The following CLHC1 variants were observed in gnomAD, a reference collection of about 807,000 sequenced individuals.
CLHC1 encodes the protein clathrin heavy chain linker domain-containing protein 1.
In CLHC1, 72 loss-of-function variants were observed where a neutral mutation model predicts 69.5. The observed-to-expected ratio is 1.04, with a 90% CI of 0.86 to 1.26. CLHC1 has a LOEUF of 1.26. Ranked by LOEUF, CLHC1 falls within the 50% of genes most tolerant of loss-of-function variation. The pLI, the probability that CLHC1 is intolerant of heterozygous loss-of-function variation, is 0.00. For synonymous variants in CLHC1, 223 were observed against 224.3 expected, an observed-to-expected ratio of 0.99 and a Z score of 0.05; for missense variants, 790 against 679.3, an observed-to-expected ratio of 1.16 and a Z score of -1.81.
intron 2 of CLHC1, chr2:55,224,660 G>T: frequency 4.3e-6 from 1 of 229,980 alleles, no homozygotes; most frequent in Non-Finnish European, 9.1e-6. Flanking sequence ...GCGCATGGAG[G>T]AGCTGGCGGT....
At chr2:55,195,433 A>C (rs1481248178) in intron 9 of CLHC1, among the ~76,000 whole-genome samples, 1 of 152,240 alleles carries the variant, frequency 6.6e-6, no homozygotes, top group Admixed American at 6.5e-5. Context: ...TATTGTTAAA[A>C]TATCCAGGAA....
At chr2:55,212,977 G>A (rs1352249012) in intron 4 of CLHC1, among the ~76,000 whole-genome samples, 171 bp from the exon 5 acceptor site, 1 of 152,102 alleles carries the variant, frequency 6.6e-6, no homozygotes, top group Non-Finnish European at 1.5e-5. Context: ...TTCTTTCTGA[G>A]CATCAATAAA....
At chr2:55,177,859 T>C in intron 11 of CLHC1, 78 bp from the exon 12 acceptor site, 1 of 1,014,060 alleles carries the variant, frequency 9.9e-7, no homozygotes, top group Non-Finnish European at 1.4e-6. Flanking sequence ...AGCTAATGTC[T>C]ATACCTGCCA....
intron 9 of CLHC1, among the ~76,000 whole-genome samples, chr2:55,187,770 C>T (rs1335383925): frequency 3.3e-5 from 5 of 151,982 alleles, no homozygotes. Flanking sequence ...AGGACTTTTA[C>T]ATAATACATA....
chr2:55,213,871 G>A (rs980260680), intron 4 of CLHC1, among the ~76,000 whole-genome samples: 3 of 152,194 alleles, frequency 2.0e-5, no homozygotes, highest in African/African-American at 4.8e-5. Flanking sequence ...GTGGGAAGTG[G>A]TAGCTAAGGA....
chr2:55,230,621 T>A (rs1306350848), intron 1 of CLHC1, among the ~76,000 whole-genome samples: 1 of 152,128 alleles, frequency 6.6e-6, no homozygotes, highest in African/African-American at 2.4e-5. Context: ...TTAGAGGTCT[T>A]GCAGATCAAG....
At chr2:55,196,681 C>T (rs190148456) in intron 9 of CLHC1, among the ~76,000 whole-genome samples, 7 of 152,326 alleles carry the variant, frequency 4.6e-5, no homozygotes, top group African/African-American at 7.2e-5. Flanking sequence ...CCCTGAATGA[C>T]CAGCAGCAGT....
chr2:55,175,762 A>G lies in CLHC1; in HGVS notation c.*28T>C. 6.4e-7 allele frequency: 1 copy of G among 1,568,392 alleles called. No individual in the cohort carries two copies. On this transcript the variant is annotated 3_prime_UTR_variant, in exon 13 of 13. Coordinates refer to ENST00000401408, the MANE Select transcript of CLHC1 (RefSeq NM_152385.4). ...ACCAGCATACATAAGGTGTTGTACA[A>G]GCTCCCTCAGCTGGTTAAGATATAG... is the stretch of plus-strand genomic sequence containing the variant.
intron 9 of CLHC1, among the ~76,000 whole-genome samples, chr2:55,196,986 C>T (rs1573656780): frequency 6.6e-6 from 1 of 152,154 alleles, no homozygotes; most frequent in Non-Finnish European, 1.5e-5. Flanking sequence ...GGGTGAGTTT[C>T]AGGCCTGGTA....
At position 55,181,590 on chromosome 2, in the gene CLHC1, G is replaced by T; in HGVS notation, c.1161C>A (p.Thr387=). 1 of 1,608,734 alleles carries T rather than the reference G, an allele frequency of 6.2e-7. No homozygotes were observed. The highest frequency in any genetic ancestry group is 8.5e-7 in the Non-Finnish European group (1 of 1,178,564). Residue 387 remains threonine (T), a synonymous_variant, in exon 10 of 13, where the codon ACC becomes ACA. Transcript: ENST00000401408. ...CTTACCTTTCCTGTGTAACCCAATTGGTAACTAAATCTAACCGTTTTTCTG... is the reference window on the plus strand; with the variant it reads ...CTTACCTTTCCTGTGTAACCCAATTTGTAACTAAATCTAACCGTTTTTCTG... ...GLSEKRLDLV[T]NWVTQERLTF...
intron 9 of CLHC1, among the ~76,000 whole-genome samples, chr2:55,191,572 C>A (rs369062477): frequency 6.6e-6 from 1 of 151,982 alleles, no homozygotes. Context: ...AGAATAGATA[C>A]GGTATATGCT....
At chr2:55,181,313 G>A (rs1326022715) in intron 10 of CLHC1, among the ~76,000 whole-genome samples, 1 of 152,058 alleles carries the variant, frequency 6.6e-6, no homozygotes, top group African/African-American at 2.4e-5. Context: ...ATTTTCAGTA[G>A]AGACAGGGTT....
rs1669319866 is a variant in CLHC1 at position 55,175,693 on chromosome 2, T to C, written c.*97A>G. On this transcript the variant is annotated 3_prime_UTR_variant, in exon 13 of 13. Coordinates refer to ENST00000401408, the MANE Select transcript of CLHC1 (RefSeq NM_152385.4). Reference sequence around the variant, plus strand: ...ATTTATTTCTGAGATCTTCTTACTCTAGATTTATTTATAAGTTAGTTACGT... The same window carrying C: ...ATTTATTTCTGAGATCTTCTTACTCCAGATTTATTTATAAGTTAGTTACGT... 2 of 732,676 alleles carry C rather than the reference T, an allele frequency of 2.7e-6. No homozygotes were observed. Among genetic ancestry groups the C allele is most frequent in the Non-Finnish European group, 4.5e-6 (2 of 448,420 alleles). The allele number at this position is 732,676 out of a possible 1,614,324, so 45.4% of individuals were successfully genotyped here.
intron 9 of CLHC1, among the ~76,000 whole-genome samples, chr2:55,187,144 G>A (rs955310754): frequency 1.3e-5 from 2 of 151,802 alleles, no homozygotes; most frequent in Non-Finnish European, 2.9e-5. Flanking sequence ...AATTAGCCAG[G>A]CATGGTGGCA....
intron 9 of CLHC1, among the ~76,000 whole-genome samples, chr2:55,201,830 T>C (rs2103872851): frequency 6.6e-6 from 1 of 152,270 alleles, no homozygotes; most frequent in Middle Eastern, 3.4e-3. Flanking sequence ...GTGGGATTTA[T>C]CCTAGGGATG....
Position 55,222,614 on chromosome 2 carries a change from A to G in CLHC1, c.-82-121T>C, listed in dbSNP as rs1674245958. ...ATCTGTCTCTGTGATAAATACTTCA[A>G]CCTATGTATTAAAAGGTCTATGCTG... On this transcript the variant is annotated intron_variant, in intron 2 of 12. Transcript: ENST00000401408. 4.5e-6 allele frequency: 2 copies of G among 445,364 alleles called. 1 individual carries two copies. The highest frequency in any genetic ancestry group is 5.7e-5 in the South Asian group (2 of 34,928). 27.6% of individuals were successfully genotyped at this position (445,364 alleles called of 1,614,324 possible).
intron 9 of CLHC1, among the ~76,000 whole-genome samples, chr2:55,185,368 C>T (rs556729919): frequency 1.3e-5 from 2 of 152,204 alleles, no homozygotes; most frequent in Non-Finnish European, 2.9e-5. Flanking sequence ...AGATGATACC[C>T]CCTTCCAGGA....
intron 9 of CLHC1, among the ~76,000 whole-genome samples, chr2:55,183,550 T>A (rs1193156546): frequency 6.6e-6 from 1 of 152,214 alleles, no homozygotes; most frequent in Non-Finnish European, 1.5e-5. Context: ...GGTCTACTAA[T>A]GAAATGTATG....
At position 55,195,801 on chromosome 2, in the gene CLHC1, AAAACAAAC is replaced by A. The variant is rs552325832; in HGVS notation, c.1006+10461_1006+10468del. On this transcript the variant is annotated intron_variant, in intron 9 of 12. Coordinates refer to ENST00000401408, the MANE Select transcript of CLHC1 (RefSeq NM_152385.4). The stretch of plus-strand genomic sequence containing the variant: ...GTGACAGAGTGAGACTCTTGTCTCA[AAAACAAAC>A]AAACAAACAAACAAAGAACAAAAAC... 3.9e-5 allele frequency among the ~76,000 whole-genome samples: 6 copies of A among 152,314 alleles called. No individual in the cohort carries two copies. The East Asian group carries it at 1.2e-3, about 29-fold the overall frequency.
Sources: gnomAD v4.1 joint callset for allele counts (sites outside exome capture counted in the v4.1 genomes callset) on GRCh38, gnomAD v4.1.1 for gene constraint, MANE v1.5 for transcripts, NCBI Gene and HGNC (gene_info 2026-07-23, HGNC 2026-07-21) for gene names.